Variants in CPNE4 observed in about 807,000 individuals in gnomAD.
CPNE4 encodes the protein copine-4.
Under a neutral mutation model 67.9 loss-of-function variants are expected in CPNE4, and 25 were observed. The observed-to-expected ratio is 0.37, with a 90% CI of 0.27 to 0.51. CPNE4 has a LOEUF of 0.51. Ranked by LOEUF, CPNE4 falls within the 20% of genes least tolerant of loss-of-function variation. The probability of loss-of-function intolerance (pLI) is 0.93; values close to 1 mark genes in which losing one functional copy is unlikely to be tolerated. For missense variants in CPNE4, 464 were observed against 690.8 expected (o/e 0.67, Z 3.68); for synonymous variants, 242 against 244.9 (o/e 0.99, Z 0.11).
chr3:131,556,514 T>C (rs1039491296), intron 11 of CPNE4, among the ~76,000 whole-genome samples: 3 of 152,092 alleles, frequency 2.0e-5, no homozygotes, highest in Non-Finnish European at 4.4e-5. Context: ...TTTCTTGTTT[T>C]TTGAACTCAA....
At chr3:131,996,155 G>C (rs6780434) in intron 1 of CPNE4, among the ~76,000 whole-genome samples, 142,881 of 152,270 alleles carry the variant, frequency 0.94, 67,161 homozygotes, top group African/African-American at 0.98. Flanking sequence ...ATAAAATGCT[G>C]TCTGTGTTTT....
At chr3:131,874,950 T>C (rs1236586537) in intron 2 of CPNE4, among the ~76,000 whole-genome samples, 1 of 152,204 alleles carries the variant, frequency 6.6e-6, no homozygotes, top group Non-Finnish European at 1.5e-5. Flanking sequence ...TACACTGACA[T>C]TTAAAGCCTT....
At chr3:131,604,495 G>A (rs544827015) in intron 7 of CPNE4, among the ~76,000 whole-genome samples, 5 of 152,120 alleles carry the variant, frequency 3.3e-5, no homozygotes, top group Admixed American at 2.6e-4. Flanking sequence ...TGAGTCAGTG[G>A]GCTGGGAAAG....
upstream of CPNE4, among the ~76,000 whole-genome samples, chr3:132,037,405 T>G (rs2074358559): frequency 6.6e-6 from 1 of 152,222 alleles, no homozygotes; most frequent in African/African-American, 2.4e-5. Flanking sequence ...CTTCCACCTC[T>G]TATATGAAAT....
At chr3:131,911,083 A>G (rs374074737) in intron 1 of CPNE4, among the ~76,000 whole-genome samples, 3 of 152,272 alleles carry the variant, frequency 2.0e-5, no homozygotes, top group Admixed American at 1.3e-4. Flanking sequence ...CTTTTAACCA[A>G]TAAAATATGG....
chr3:131,655,153 T>A (rs1039185077), intron 7 of CPNE4, among the ~76,000 whole-genome samples: 1 of 152,240 alleles, frequency 6.6e-6, no homozygotes, highest in African/African-American at 2.4e-5. Flanking sequence ...ATTTCTTCTA[T>A]ATGAATCATG....
At chr3:131,722,448 C>CG (rs879825547) in intron 3 of CPNE4, among the ~76,000 whole-genome samples, 34 of 151,944 alleles carry the variant, frequency 2.2e-4, no homozygotes, top group Non-Finnish European at 3.8e-4. Context: ...CCCATACCCC[C>CG]CCACGTTTGT....
At chr3:131,948,840 T>G (rs939800592) in intron 1 of CPNE4, among the ~76,000 whole-genome samples, 1 of 152,146 alleles carries the variant, frequency 6.6e-6, no homozygotes, top group African/African-American at 2.4e-5. Context: ...ACAGAGAGAC[T>G]TAATATAAAA....
At chr3:131,916,534 T>G (rs1324488283) in intron 1 of CPNE4, among the ~76,000 whole-genome samples, 9 of 152,122 alleles carry the variant, frequency 5.9e-5, no homozygotes, top group Admixed American at 5.9e-4. Context: ...ATTGACATGC[T>G]TTTGCTTAGT....
chr3:131,737,103 G>A (rs1290480908), intron 2 of CPNE4, among the ~76,000 whole-genome samples: 2 of 112,994 alleles, frequency 1.8e-5, no homozygotes, highest in African/African-American at 6.4e-5. Context: ...CTCTTTTTAT[G>A]AAGTATTGTG....
At chr3:131,949,670 G>A (rs1270781009) in intron 1 of CPNE4, among the ~76,000 whole-genome samples, 1 of 152,062 alleles carries the variant, frequency 6.6e-6, no homozygotes, top group Non-Finnish European at 1.5e-5. Flanking sequence ...AAGAAGAGAA[G>A]ATCAAATTAT....
chr3:131,998,330 T>C (rs2073347855), intron 1 of CPNE4, among the ~76,000 whole-genome samples: 1 of 152,140 alleles, frequency 6.6e-6, no homozygotes, highest in African/African-American at 2.4e-5. Flanking sequence ...GGTTTCTTCC[T>C]TCAACCTTAC....
At chr3:131,936,969 A>C (rs2037713273) in intron 1 of CPNE4, among the ~76,000 whole-genome samples, 2 of 152,000 alleles carry the variant, frequency 1.3e-5, no homozygotes, top group Middle Eastern at 3.2e-3. Flanking sequence ...AAAAGCAAAA[A>C]AAAAGGCACA....
Position 131,966,553 on chromosome 3 carries a change from C to T in CPNE4, c.-1-61109G>A, listed in dbSNP as rs990096248. ...GATAAAGGGGATATCACCACTGATCCCACAGAAATACAAACTATCATCAGA... is the reference window on the plus strand; with the variant it reads ...GATAAAGGGGATATCACCACTGATCTCACAGAAATACAAACTATCATCAGA... On this transcript the variant is annotated intron_variant, in intron 1 of 15. Transcript: ENST00000429747. Among the ~76,000 whole-genome samples, 4 of 152,102 alleles carry T rather than the reference C, an allele frequency of 2.6e-5. No individual in the cohort carries two copies. In the East Asian group the frequency reaches 7.7e-4, roughly 29 times the overall value.
intron 2 of CPNE4, among the ~76,000 whole-genome samples, chr3:131,901,386 G>C (rs897255049): frequency 2.8e-4 from 43 of 151,998 alleles, no homozygotes; most frequent in Admixed American, 3.3e-4. Context: ...TTGATGAAGA[G>C]GGATTTTTTT....
intron 9 of CPNE4, among the ~76,000 whole-genome samples, chr3:131,581,253 G>A (rs1165074717): frequency 6.6e-6 from 1 of 152,064 alleles, no homozygotes. Context: ...GCACATAGTA[G>A]GTGTTCTAGA....
chr3:131,577,170 C>A (rs1315325523), intron 9 of CPNE4, among the ~76,000 whole-genome samples: 2 of 152,014 alleles, frequency 1.3e-5, no homozygotes, highest in Non-Finnish European at 2.9e-5. Context: ...CCAAAGCAGA[C>A]CAATTACTCT....
At chr3:131,859,117 T>G (rs2086572176) in intron 2 of CPNE4, among the ~76,000 whole-genome samples, 1 of 152,170 alleles carries the variant, frequency 6.6e-6, no homozygotes, top group South Asian at 2.1e-4. Flanking sequence ...AGCCAAATGA[T>G]GTAAGTGTCA....
At chr3:131,982,636 T>C (rs1449969164) in intron 1 of CPNE4, among the ~76,000 whole-genome samples, 1 of 152,210 alleles carries the variant, frequency 6.6e-6, no homozygotes. Flanking sequence ...GGTGGTATAT[T>C]ATTGTGATTT....
Sources: allele counts gnomAD v4.1 joint callset (sites outside exome capture counted in the v4.1 genomes callset), GRCh38; gene constraint gnomAD v4.1.1; transcripts MANE v1.5; gene names NCBI Gene and HGNC (gene_info 2026-07-23, HGNC 2026-07-21).